Variants in CWC27 observed in about 807,000 individuals in gnomAD.
The protein encoded by CWC27 is spliceosome-associated protein CWC27 homolog.
In CWC27, 47 loss-of-function variants were observed where a neutral mutation model predicts 63.6. The ratio of observed to expected loss-of-function variants is 0.74; its 90% CI spans 0.58 to 0.94. The LOEUF (loss-of-function observed/expected upper bound fraction) is 0.94. CWC27 is among the 40% of genes least tolerant of loss of function. The pLI, the probability that CWC27 is intolerant of heterozygous loss-of-function variation, is 0.00. For missense variants in CWC27, 495 were observed against 554.3 expected, an observed-to-expected ratio of 0.89 and a Z score of 1.07; for synonymous variants, 175 against 179.8, an observed-to-expected ratio of 0.97 and a Z score of 0.22.
intron 10 of CWC27, among the ~76,000 whole-genome samples, chr5:64,862,988 A>G (rs1746448798): frequency 6.6e-6 from 1 of 152,006 alleles, no homozygotes; most frequent in Non-Finnish European, 1.5e-5. Context: ...CTCAGGACCT[A>G]CTCACCTTCC....
intron 10 of CWC27, among the ~76,000 whole-genome samples, chr5:64,805,160 A>G (rs149541703): frequency 2.6e-5 from 4 of 152,038 alleles, no homozygotes; most frequent in Non-Finnish European, 4.4e-5. Context: ...GAAAAACTTA[A>G]AAAGGATTTC....
chr5:64,995,354 T>C (rs1474298409), intron 13 of CWC27, among the ~76,000 whole-genome samples: 1 of 152,228 alleles, frequency 6.6e-6, no homozygotes, highest in Non-Finnish European at 1.5e-5. Flanking sequence ...CTTTGTTTTG[T>C]TAACATGGAG....
chr5:64,945,975 A>C (rs1271388654), intron 11 of CWC27, among the ~76,000 whole-genome samples: 1 of 152,104 alleles, frequency 6.6e-6, no homozygotes, highest in Non-Finnish European at 1.5e-5. Flanking sequence ...TTGATATCTT[A>C]TTTACTGCCA....
At chr5:64,920,446 G>A (rs1158755569) in intron 11 of CWC27, among the ~76,000 whole-genome samples, 1 of 152,130 alleles carries the variant, frequency 6.6e-6, no homozygotes, top group African/African-American at 2.4e-5. Context: ...TTTTCATTGT[G>A]TCTCTGCTAG....
At chr5:64,914,195 A>G (rs1747844611) in intron 11 of CWC27, among the ~76,000 whole-genome samples, 1 of 152,204 alleles carries the variant, frequency 6.6e-6, no homozygotes, top group South Asian at 2.1e-4. Context: ...TGTGAATGAC[A>G]AAGCAATAAA....
chr5:65,006,439 GA>G (rs1749843342), intron 13 of CWC27, among the ~76,000 whole-genome samples: 1 of 152,066 alleles, frequency 6.6e-6, no homozygotes, highest in South Asian at 2.1e-4. Flanking sequence ...TTGAAATTAT[GA>G]AAACATAATT....
chr5:64,985,879 G>A (rs1749415862), intron 13 of CWC27, among the ~76,000 whole-genome samples: 1 of 152,100 alleles, frequency 6.6e-6, no homozygotes, highest in African/African-American at 2.4e-5. Context: ...GCTTTTCATA[G>A]ATGTCTTTTA....
At chr5:64,856,081 A>C (rs1319756864) in intron 10 of CWC27, among the ~76,000 whole-genome samples, 1 of 152,092 alleles carries the variant, frequency 6.6e-6, no homozygotes, top group African/African-American at 2.4e-5. Flanking sequence ...GATTTTGTGG[A>C]GTTTTTAAGA....
chr5:64,995,434 G>A (rs193261619), intron 13 of CWC27, among the ~76,000 whole-genome samples: 39 of 152,142 alleles, frequency 2.6e-4, no homozygotes, highest in African/African-American at 8.4e-4. Flanking sequence ...TCATTCTTAA[G>A]ATCTTCATAA....
At chr5:64,828,277 C>T (rs1468861036) in intron 10 of CWC27, among the ~76,000 whole-genome samples, 3 of 152,128 alleles carry the variant, frequency 2.0e-5, no homozygotes, top group Non-Finnish European at 4.4e-5. Context: ...TCCTCTGTCC[C>T]ACTTAATCTT....
intron 11 of CWC27, among the ~76,000 whole-genome samples, chr5:64,943,466 T>C (rs1040769889): frequency 1.3e-5 from 2 of 152,178 alleles, no homozygotes; most frequent in African/African-American, 4.8e-5. Context: ...TATCTTGCCA[T>C]TTACAACATG....
intron 11 of CWC27, among the ~76,000 whole-genome samples, chr5:64,935,390 T>C (rs1218587158): frequency 6.6e-6 from 1 of 152,208 alleles, no homozygotes; most frequent in Non-Finnish European, 1.5e-5. Flanking sequence ...TTTCATCAGG[T>C]TTATCAAAAA....
At chr5:64,864,698 T>A (rs1262108474) in intron 10 of CWC27, among the ~76,000 whole-genome samples, 1 of 152,192 alleles carries the variant, frequency 6.6e-6, no homozygotes, top group Non-Finnish European at 1.5e-5. Context: ...TCAGGTATTG[T>A]GGATTAATCC....
intron 12 of CWC27, among the ~76,000 whole-genome samples, chr5:64,975,480 T>G (rs1749213096): frequency 6.6e-6 from 1 of 152,226 alleles, no homozygotes; most frequent in Non-Finnish European, 1.5e-5. Flanking sequence ...TTATCCCATT[T>G]CATAATGATG....
intron 11 of CWC27, among the ~76,000 whole-genome samples, chr5:64,955,378 T>C (rs1486132830): frequency 6.6e-6 from 1 of 152,166 alleles, no homozygotes; most frequent in African/African-American, 2.4e-5. Context: ...AATGGTAGAT[T>C]TGAGATTTTA....
At position 64,768,961 on chromosome 5, in the gene CWC27, G is replaced by A; in HGVS notation, c.-186G>A. 1 of 591,166 alleles carries A rather than the reference G, an allele frequency of 1.7e-6. No individual in the cohort carries two copies. Among genetic ancestry groups the A allele is most frequent in the Non-Finnish European group, 3.0e-6 (1 of 330,674 alleles). The allele number at this position is 591,166 out of a possible 1,614,324, so 36.6% of individuals were successfully genotyped here. On this transcript the variant is annotated 5_prime_UTR_variant, in exon 1 of 14. Coordinates refer to ENST00000381070, the MANE Select transcript of CWC27 (RefSeq NM_005869.4). ...GCTCGGGTCCGGTAACAACATGGCG[G>A]CGTCCGTGAGGGGCTCCTTTGGGCA...
At chr5:64,774,639 C>T (rs923843411) in intron 1 of CWC27, 52 bp from the exon 2 acceptor site, 9 of 1,084,444 alleles carry the variant, frequency 8.3e-6, no homozygotes, top group Non-Finnish European at 1.2e-5. Context: ...AGTTATTCAA[C>T]TGATTATTAA....
At chr5:64,883,090 G>A (rs970485250) in intron 10 of CWC27, among the ~76,000 whole-genome samples, 3 of 152,104 alleles carry the variant, frequency 2.0e-5, no homozygotes, top group African/African-American at 4.8e-5. Flanking sequence ...CTCTTCACAG[G>A]GTGACAGGAG....
chr5:64,849,471 G>A (rs1746077038), intron 10 of CWC27, among the ~76,000 whole-genome samples: 1 of 152,166 alleles, frequency 6.6e-6, no homozygotes, highest in Non-Finnish European at 1.5e-5. Flanking sequence ...GGGACCTGGT[G>A]GGAGGTGATT....
Sources: gnomAD v4.1 joint callset for allele counts (sites outside exome capture counted in the v4.1 genomes callset) on GRCh38, gnomAD v4.1.1 for gene constraint, MANE v1.5 for transcripts, NCBI Gene and HGNC (gene_info 2026-07-23, HGNC 2026-07-21) for gene names.